CHID1: variants seen among roughly 807,000 people sequenced by gnomAD.
The protein encoded by CHID1 is chitinase domain containing 1.
Under a neutral mutation model 55.4 loss-of-function variants are expected in CHID1, and 44 were observed. The observed-to-expected ratio is 0.79, with a 90% CI of 0.62 to 1.02. CHID1 has a LOEUF of 1.02. Among genes scored for constraint, CHID1 ranks in the 50% least tolerant of loss-of-function variants. CHID1 has a pLI of 0.00. For synonymous variants in CHID1, 216 were observed against 212.9 expected (o/e 1.01, Z -0.13); for missense variants, 491 against 515.3 (o/e 0.95, Z 0.46).
At chr11:888,580 G>A (rs1026836574) in intron 8 of CHID1, among the ~76,000 whole-genome samples, 1 of 152,232 alleles carries the variant, frequency 6.6e-6, no homozygotes, top group African/African-American at 2.4e-5. Flanking sequence ...CGATGAACAG[G>A]AATTACTGCT....
rs768941590 is a variant in CHID1, at chr11:883,187, G to C, written c.920C>G (p.Ala307Gly). The C allele has an allele frequency of 1.2e-6, 2 of 1,614,032 alleles. No individual in the cohort carries two copies. Among genetic ancestry groups the C allele is most frequent in the Non-Finnish European group, 1.7e-6 (2 of 1,179,910 alleles). The stretch of plus-strand genomic sequence containing the variant: ...AGGCTCACGGGCATCCTTGGAGGTC[G>C]CGTAGTCCATACCATAGAAGTTGAG... ...LGLNFYGMDY[A>G]TSKDAREPVV... is the part of the protein sequence containing the mutation. The change falls in exon 10 of 13, where the codon GCG (alanine) becomes GGG (glycine). Residue 307 changes from alanine (A) to glycine (G), a missense_variant. Physicochemically the swap from Ala to Gly is moderately conservative, Grantham distance 60 (BLOSUM62 0). Coordinates refer to ENST00000323578, the MANE Select transcript of CHID1 (RefSeq NM_023947.4).
chr11:883,272 G>A lies in CHID1; in HGVS notation c.835C>T (p.Arg279Ter), dbSNP rs1171104679. 2.4e-5 allele frequency: 39 copies of A among 1,613,934 alleles called. No individual in the cohort carries two copies. Among genetic ancestry groups the A allele is most frequent in the Non-Finnish European group, 3.1e-5 (36 of 1,179,968 alleles). ...PGPNAPLSWV[R>*]ACVQVLDPKS... is the part of the protein sequence containing the mutation. ...GGGTCCAGGACCTGGACGCAGGCTCGAACCCAGGACAGGGGTGCATTAGGG... is the reference window on the plus strand; with the variant it reads ...GGGTCCAGGACCTGGACGCAGGCTCAAACCCAGGACAGGGGTGCATTAGGG... The change falls in exon 10 of 13, where the codon CGA (arginine) becomes TGA (stop). Residue 279 changes from arginine to a stop codon, truncating the protein, a stop_gained. Transcript: ENST00000323578. LOFTEE classifies it high-confidence loss of function.
chr11:883,099 C>T (rs560521716), intron 10 of CHID1, 49 bp downstream of exon 10: 1 of 1,578,082 alleles, frequency 6.3e-7, no homozygotes, highest in Non-Finnish European at 8.7e-7. Context: ...CCCACACCCA[C>T]CCGCGCCCAG....
At chr11:896,049 G>C (rs1030257854) in intron 7 of CHID1, among the ~76,000 whole-genome samples, 12 of 151,564 alleles carry the variant, frequency 7.9e-5, no homozygotes, top group African/African-American at 2.9e-4. Flanking sequence ...ATGACCCGTC[G>C]AGCCCTGACA....
At chr11:903,385 T>C (rs1183155476) in intron 2 of CHID1, among the ~76,000 whole-genome samples, 1 of 152,226 alleles carries the variant, frequency 6.6e-6, no homozygotes, top group Non-Finnish European at 1.5e-5. Context: ...CAGACAGTTA[T>C]GGTGGCTCCC....
In CHID1 at chr11:902,239, C is replaced by T. The variant is rs771369989; in HGVS notation, c.353G>A (p.Arg118His). 1.7e-5 allele frequency: 28 copies of T among 1,613,874 alleles called. No individual in the cohort carries two copies. The highest frequency in any genetic ancestry group is 4.0e-5 in the African/African-American group (3 of 74,910). The part of the protein sequence containing the change: ...PVWLQLKRRG[R>H]EMFEVTGLHD... ...GAGGCCCGTGACCTCAAACATCTCA[C>T]GGCCACGTCTCTTCAGCTGCAGCCA... The change falls in exon 4 of 13, where the codon CGT becomes CAT. Residue 118 changes from arginine to histidine, a missense_variant. By Grantham distance (29) the Arg-to-His change is conservative. Transcript: ENST00000323578.
intron 3 of CHID1, 39 bp from the exon 4 acceptor site, chr11:902,369 G>A (rs371857046): frequency 1.7e-5 from 27 of 1,596,452 alleles, no homozygotes; most frequent in Non-Finnish European, 2.3e-5. Flanking sequence ...GGACAGGTGA[G>A]TGAGCACCTG....
chr11:882,985 T>C (rs1589839154), intron 10 of CHID1, 163 bp downstream of exon 10: 2 of 711,828 alleles, frequency 2.8e-6, no homozygotes, highest in Non-Finnish European at 4.7e-6. Flanking sequence ...TGCGGTGGGG[T>C]GGGCACCAAG....
chr11:899,481 GC>G, intron 6 of CHID1, 80 bp from the exon 7 acceptor site: 1 of 1,334,320 alleles, frequency 7.5e-7, no homozygotes. Flanking sequence ...CGCCACCTCG[GC>G]CCACATGGTC....
upstream of CHID1, among the ~76,000 whole-genome samples, chr11:913,588 C>T (rs1354580674): frequency 6.6e-6 from 1 of 151,848 alleles, no homozygotes; most frequent in African/African-American, 2.4e-5. Context: ...GTCTGAGCAA[C>T]ATGGTGAAAC....
At chr11:874,671 G>A (rs1168615101) in intron 10 of CHID1, 1 of 152,178 alleles carries the variant, frequency 6.6e-6, no homozygotes, top group Non-Finnish European at 1.5e-5. Context: ...ACCCAAGCTG[G>A]TTTCAAACTC....
intron 8 of CHID1, among the ~76,000 whole-genome samples, chr11:889,188 G>A (rs1850625098): frequency 6.6e-6 from 1 of 152,110 alleles, no homozygotes; most frequent in African/African-American, 2.4e-5. Flanking sequence ...GAGGGGAGAC[G>A]GTGACACGAG....
intron 10 of CHID1, among the ~76,000 whole-genome samples, chr11:879,911 T>G (rs1328309846): frequency 6.6e-6 from 1 of 152,122 alleles, no homozygotes; most frequent in Non-Finnish European, 1.5e-5. Context: ...GTCAGGGATG[T>G]GGTAAGGTGG....
At position 869,512 on chromosome 11, in the gene CHID1, C is replaced by T. The variant is rs1332375778; in HGVS notation, c.*346G>A. On this transcript the variant is annotated 3_prime_UTR_variant, in exon 13 of 13. Transcript: ENST00000323578. ...GAGTCCGGGATGGTTCCAGAGCTTC[C>T]AAACCCACATCCAGCCCAGGATGTG... is the stretch of plus-strand genomic sequence containing the variant. 2.6e-6 allele frequency: 1 copy of T among 384,932 alleles called. No homozygotes were observed. The highest frequency in any genetic ancestry group is 4.1e-5 in the Admixed American group (1 of 24,184). 23.8% of individuals were successfully genotyped at this position (384,932 alleles called of 1,614,324 possible). A position where few individuals can be genotyped will look rare whatever the true frequency, so the allele number is the denominator to read the frequency against.
At chr11:899,240 T>C in intron 7 of CHID1, 100 bp downstream of exon 7, 1 of 1,162,654 alleles carries the variant, frequency 8.6e-7, no homozygotes, top group Non-Finnish European at 1.2e-6. Context: ...ACAGGGACTG[T>C]GGAAGGAAGG....
At chr11:877,455 T>C (rs746701689) in intron 10 of CHID1, among the ~76,000 whole-genome samples, 6 of 152,300 alleles carry the variant, frequency 3.9e-5, no homozygotes, top group African/African-American at 9.6e-5. Context: ...CTATTTTGCA[T>C]AGAAGATCTC....
chr11:914,446 G>T (rs778867649), upstream of CHID1: 8 of 1,051,120 alleles, frequency 7.6e-6, no homozygotes, highest in Non-Finnish European at 1.0e-5. Context: ...GGGCAGGCCG[G>T]TGGGGTGAGG....
intron 1 of CHID1, among the ~76,000 whole-genome samples, chr11:909,257 G>A (rs1288721602): frequency 6.6e-6 from 1 of 152,158 alleles, no homozygotes; most frequent in Non-Finnish European, 1.5e-5. Context: ...AGACTCCCAG[G>A]TTCACACACA....
intron 10 of CHID1, among the ~76,000 whole-genome samples, chr11:873,444 T>TG (rs1849303333): frequency 6.6e-6 from 1 of 151,798 alleles, no homozygotes; most frequent in Non-Finnish European, 1.5e-5. Context: ...ACAGGTCTTT[T>TG]GGGCGCAGGC....
Sources: allele counts gnomAD v4.1 joint callset (sites outside exome capture counted in the v4.1 genomes callset), GRCh38; gene constraint gnomAD v4.1.1; transcripts MANE v1.5; gene names NCBI Gene and HGNC (gene_info 2026-07-23, HGNC 2026-07-21).